Variants in PCYT1B observed in about 807,000 individuals in gnomAD.
The protein encoded by PCYT1B is choline-phosphate cytidylyltransferase B.
PCYT1B carries 10 observed loss-of-function variants against 26.4 expected under a neutral mutation model. That is an observed-to-expected ratio of 0.38 (90% CI 0.23 to 0.64). The LOEUF (loss-of-function observed/expected upper bound fraction) is 0.64. Ranked by LOEUF, PCYT1B falls within the 30% of genes least tolerant of loss-of-function variation. The pLI, the probability that PCYT1B is intolerant of heterozygous loss-of-function variation, is 0.56. For synonymous variants in PCYT1B, 131 were observed against 108.4 expected, an observed-to-expected ratio of 1.21 and a Z score of -1.29; for missense variants, 161 against 292.7, an observed-to-expected ratio of 0.55 and a Z score of 3.28.
intron 5 of PCYT1B, among the ~76,000 whole-genome samples, chrX:24,586,357 T>C (rs766155716): frequency 1.4e-4 from 16 of 112,438 alleles, no homozygotes; most frequent in Non-Finnish European, 3.0e-4. Context: ...AAGAAGGAGA[T>C]AGGAGCCTGG....
At chrX:24,566,168 C>T (rs1300389055) in intron 7 of PCYT1B, among the ~76,000 whole-genome samples, 1 of 111,850 alleles carries the variant, frequency 8.9e-6, no homozygotes, top group African/African-American at 3.2e-5. Flanking sequence ...GGGAATTTGG[C>T]AATAGATGCA....
chrX:24,587,384 G>A (rs1194280525), intron 4 of PCYT1B, 65 bp from the exon 5 acceptor site: 2 of 736,151 alleles, frequency 2.7e-6, no homozygotes, highest in African/African-American at 4.2e-5. Flanking sequence ...AGATTTGAAG[G>A]GGGGAATGGT....
At chrX:24,663,246 A>G (rs928251815) in intron 1 of PCYT1B, among the ~76,000 whole-genome samples, 1 of 112,475 alleles carries the variant, frequency 8.9e-6, no homozygotes, top group Non-Finnish European at 1.9e-5. Context: ...TACTGAGGCA[A>G]TATGCACAAA....
At chrX:24,585,260 C>T (rs898337496) in intron 5 of PCYT1B, among the ~76,000 whole-genome samples, 1 of 111,562 alleles carries the variant, frequency 9.0e-6, no homozygotes, top group African/African-American at 3.3e-5. Flanking sequence ...GGGCCACTGG[C>T]ACCTTGTTTA....
intron 3 of PCYT1B, among the ~76,000 whole-genome samples, chrX:24,603,045 C>A (rs887102602): frequency 8.9e-6 from 1 of 112,195 alleles, no homozygotes; most frequent in African/African-American, 3.2e-5. Context: ...CTCATGTGAT[C>A]TGCCTGCCTC....
chrX:24,608,967 A>G (rs776644078), intron 2 of PCYT1B, among the ~76,000 whole-genome samples: 10 of 111,525 alleles, frequency 9.0e-5, no homozygotes, highest in Non-Finnish European at 1.5e-4. Context: ...TAGACTCTCA[A>G]CAAAGGAACT....
intron 1 of PCYT1B, among the ~76,000 whole-genome samples, chrX:24,670,764 C>T (rs1025567026): frequency 1.8e-5 from 2 of 110,624 alleles, no homozygotes; most frequent in African/African-American, 3.3e-5. Context: ...GTACTTAGCC[C>T]GGGACATGTC....
chrX:24,661,295 T>C (rs770440602), intron 1 of PCYT1B, among the ~76,000 whole-genome samples: 1 of 112,096 alleles, frequency 8.9e-6, no homozygotes, highest in Non-Finnish European at 1.9e-5. Flanking sequence ...ATTTAACCTT[T>C]CCTATACAAA....
At chrX:24,576,432 T>C (rs557530140) in intron 6 of PCYT1B, among the ~76,000 whole-genome samples, 4 of 111,289 alleles carry the variant, frequency 3.6e-5, no homozygotes, top group South Asian at 7.7e-4. Flanking sequence ...GCCTCCTGAG[T>C]AGCTGGAATA....
At chrX:24,587,388 G>A (rs769441654) in intron 4 of PCYT1B, 69 bp from the exon 5 acceptor site, 1 of 693,608 alleles carries the variant, frequency 1.4e-6, no homozygotes, top group Admixed American at 2.3e-5. Context: ...TTGAAGGGGG[G>A]AATGGTGACT....
At chrX:24,660,595 T>C (rs1444074085) in intron 1 of PCYT1B, among the ~76,000 whole-genome samples, 1 of 108,235 alleles carries the variant, frequency 9.2e-6, no homozygotes, top group African/African-American at 3.4e-5. Context: ...AGAGAATCGC[T>C]TGAACCCAGG....
At chrX:24,630,530 C>G (rs1338900492) in intron 1 of PCYT1B, among the ~76,000 whole-genome samples, 2 of 111,907 alleles carry the variant, frequency 1.8e-5, no homozygotes, top group Non-Finnish European at 3.8e-5. Context: ...CTCCTGACCT[C>G]GTGATCCGCC....
chrX:24,570,340 G>A (rs989832296), intron 7 of PCYT1B, among the ~76,000 whole-genome samples: 10 of 108,151 alleles, frequency 9.2e-5, no homozygotes, highest in Admixed American at 8.9e-4. Flanking sequence ...TGCAACCTCC[G>A]CCTCCCGGGT....
At chrX:24,615,705 C>T (rs1399501404) in intron 2 of PCYT1B, among the ~76,000 whole-genome samples, 1 of 111,360 alleles carries the variant, frequency 9.0e-6, no homozygotes, top group Non-Finnish European at 1.9e-5. Flanking sequence ...TTCAGGTGAC[C>T]CGCCTGCCTC....
intron 1 of PCYT1B, among the ~76,000 whole-genome samples, chrX:24,663,891 C>A (rs751105876): frequency 9.0e-6 from 1 of 111,022 alleles, no homozygotes; most frequent in Non-Finnish European, 1.9e-5. Context: ...TGCACTCCAG[C>A]CTGGGTGACA....
intron 3 of PCYT1B, among the ~76,000 whole-genome samples, chrX:24,601,584 C>T (rs192524493): frequency 6.9e-4 from 73 of 105,668 alleles, no homozygotes; most frequent in Middle Eastern, 4.8e-3. Flanking sequence ...ATACAAAGAA[C>T]TCTAAAACTC....
intron 3 of PCYT1B, among the ~76,000 whole-genome samples, chrX:24,597,892 G>T (rs1924838021): frequency 1.8e-5 from 2 of 112,231 alleles, no homozygotes; most frequent in South Asian, 7.3e-4. Flanking sequence ...AAGAAATAGT[G>T]AATTCTAAAA....
At position 24,562,256 on chromosome X, in the gene PCYT1B, C is replaced by T. The variant is rs769250435; in HGVS notation, c.*37G>A. On this transcript the variant is annotated 3_prime_UTR_variant, in exon 8 of 8. Coordinates refer to ENST00000379144, the MANE Select transcript of PCYT1B (RefSeq NM_004845.5). ...ACCCTGTGACTCTCGCCCTCCTCCC[C>T]ATCCTGCATGGTGCGGCTCTTGCCT... 1 of 1,163,604 alleles carries T rather than the reference C, an allele frequency of 8.6e-7. No individual in the cohort carries two copies. Among genetic ancestry groups the T allele is most frequent in the Non-Finnish European group, 1.1e-6 (1 of 870,034 alleles).
chrX:24,623,822 G>A (rs1925783336), intron 1 of PCYT1B, among the ~76,000 whole-genome samples: 1 of 111,189 alleles, frequency 9.0e-6, no homozygotes, highest in Non-Finnish European at 1.9e-5. Context: ...AAAAATGGTT[G>A]CTAGAACCTG....
Sources: gnomAD v4.1 joint callset for allele counts (sites outside exome capture counted in the v4.1 genomes callset) on GRCh38, gnomAD v4.1.1 for gene constraint, MANE v1.5 for transcripts, NCBI Gene and HGNC (gene_info 2026-07-23, HGNC 2026-07-21) for gene names.